Variants in TVP23A observed in about 807,000 individuals in gnomAD.
The protein encoded by TVP23A is Golgi apparatus membrane protein TVP23 homolog A.
In TVP23A, 21 loss-of-function variants were observed where a neutral mutation model predicts 31.7. The ratio of observed to expected loss-of-function variants is 0.66; its 90% CI spans 0.47 to 0.95. The LOEUF (loss-of-function observed/expected upper bound fraction) is 0.95, where lower values mean the gene tolerates loss of function less well. TVP23A is among the 40% of genes least tolerant of loss of function. The probability of loss-of-function intolerance (pLI) is 0.00; values close to 1 mark genes in which losing one functional copy is unlikely to be tolerated. For synonymous variants in TVP23A, 104 were observed against 96.0 expected, an observed-to-expected ratio of 1.08 and a Z score of -0.49; for missense variants, 279 against 255.6, an observed-to-expected ratio of 1.09 and a Z score of -0.62.
At chr16:10,792,855 A>C (rs1273736563) in intron 2 of TVP23A, among the ~76,000 whole-genome samples, 4 of 152,276 alleles carry the variant, frequency 2.6e-5, no homozygotes, top group Admixed American at 6.5e-5. Flanking sequence ...ATATCTGAGC[A>C]GAGGCTGATT....
chr16:10,778,063 G>A (rs945830052), intron 2 of TVP23A, among the ~76,000 whole-genome samples: 1 of 151,954 alleles, frequency 6.6e-6, no homozygotes, highest in Admixed American at 6.6e-5. Flanking sequence ...ACCAGGTGTG[G>A]TGGCTCACAC....
intron 2 of TVP23A, among the ~76,000 whole-genome samples, chr16:10,785,607 C>T (rs762200881): frequency 6.6e-6 from 1 of 152,234 alleles, no homozygotes; most frequent in Non-Finnish European, 1.5e-5. Flanking sequence ...GTTGAGAACA[C>T]ACTCAGGAGA....
At chr16:10,758,490 A>G (rs78753112), downstream of TVP23A, among the ~76,000 whole-genome samples, 1,368 of 152,300 alleles carry the variant, frequency 9.0e-3, 27 homozygotes, top group African/African-American at 0.03. Flanking sequence ...AAAAATAAGA[A>G]AAACTTCATC....
intron 2 of TVP23A, among the ~76,000 whole-genome samples, chr16:10,806,548 C>T (rs556929544): frequency 6.6e-6 from 1 of 152,250 alleles, no homozygotes; most frequent in East Asian, 1.9e-4. Flanking sequence ...GTCACCCAGG[C>T]TGGAGTGCAG....
chr16:10,771,030 A>G (rs997872938), intron 6 of TVP23A, among the ~76,000 whole-genome samples: 2 of 152,160 alleles, frequency 1.3e-5, no homozygotes, highest in Non-Finnish European at 2.9e-5. Flanking sequence ...AAACCAATAG[A>G]TACAGAAAGC....
At chr16:10,778,524 G>A (rs2032217443) in intron 2 of TVP23A, among the ~76,000 whole-genome samples, 2 of 152,136 alleles carry the variant, frequency 1.3e-5, no homozygotes, top group Admixed American at 1.3e-4. Flanking sequence ...CACAGACCAT[G>A]TTTAACACAT....
chr16:10,763,672 G>A (rs932940595), downstream of TVP23A: 8 of 153,076 alleles, frequency 5.2e-5, 1 homozygote, highest in African/African-American at 1.2e-4. Context: ...CAGCAGCCCA[G>A]GGCACATCCA....
At chr16:10,773,163 G>T in intron 5 of TVP23A, 150 bp downstream of exon 5, 1 of 1,096,246 alleles carries the variant, frequency 9.1e-7, no homozygotes, top group Non-Finnish European at 1.2e-6. Context: ...TACTTTAAAT[G>T]GGTAAATTGT....
rs1276535760 is a variant in TVP23A at position 10,777,645 on chromosome 16, C to T, written c.90-2549G>A. On this transcript the variant is annotated intron_variant, in intron 2 of 7. Coordinates refer to ENST00000299866, the MANE Select transcript of TVP23A (RefSeq NM_001079512.4). This position sits in a 1 kb window ranked among gnomAD's most constrained non-coding sequence, Gnocchi z 4.5. ...TTCACCAGGATGGGTCTCATCTGAG[C>T]CTCTCAGGCTCTTGGCTCTCCTGGT... 6.6e-6 allele frequency among the ~76,000 whole-genome samples: 1 copy of T among 152,230 alleles called. No individual in the cohort carries two copies. Among genetic ancestry groups the T allele is most frequent in the Non-Finnish European group, 1.5e-5 (1 of 68,042 alleles).
downstream of TVP23A, chr16:10,765,156 T>C (rs1318295808): frequency 6.5e-6 from 1 of 152,902 alleles, no homozygotes; most frequent in East Asian, 1.9e-4. This position sits in a 1 kb window ranked among gnomAD's most constrained non-coding sequence, Gnocchi z 4.0. Context: ...TGTGTCCTTA[T>C]GGCCATCACA....
intron 2 of TVP23A, among the ~76,000 whole-genome samples, chr16:10,792,226 A>T (rs1210473295): frequency 6.6e-6 from 1 of 152,048 alleles, no homozygotes; most frequent in Non-Finnish European, 1.5e-5. Flanking sequence ...CTCATTCCTT[A>T]TGTGTGTCCA....
chr16:10,784,552 C>A (rs1042760862), intron 2 of TVP23A, among the ~76,000 whole-genome samples: 2 of 147,730 alleles, frequency 1.4e-5, no homozygotes, highest in East Asian at 2.2e-4. Flanking sequence ...CAGAGCAAGA[C>A]CTTGTCTCAA....
rs2034550496 is a variant in TVP23A at position 10,818,598 on chromosome 16, T to C, written c.-105A>G. 4 of 1,425,762 alleles carry C rather than the reference T, an allele frequency of 2.8e-6. No homozygotes were observed. The highest frequency in any genetic ancestry group is 3.7e-6 in the Non-Finnish European group (4 of 1,068,946). The allele number at this position is 1,425,762 out of a possible 1,614,324, so 88.3% of individuals were successfully genotyped here. On this transcript the variant is annotated 5_prime_UTR_variant, in exon 1 of 8. Coordinates refer to ENST00000299866, the MANE Select transcript of TVP23A (RefSeq NM_001079512.4). This position sits in a 1 kb window ranked among gnomAD's most constrained non-coding sequence, Gnocchi z 4.7. ...GCGGGCGGATGTAGGCAGCAGACGG[T>C]GGACGCTGAGGGTCGGGGCCTGCGC...
chr16:10,787,898 A>C (rs1168538455), intron 2 of TVP23A, among the ~76,000 whole-genome samples: 1 of 152,166 alleles, frequency 6.6e-6, no homozygotes, highest in Non-Finnish European at 1.5e-5. Context: ...TGAGACAGTA[A>C]CATTTGCGTC....
chr16:10,758,148 G>A, downstream of TVP23A: 2 of 1,147,566 alleles, frequency 1.7e-6, no homozygotes, highest in Non-Finnish European at 2.5e-6. Flanking sequence ...TTCCGCAGCT[G>A]CATCTGATGT....
At position 10,818,430 on chromosome 16, in the gene TVP23A, C is replaced by CG. The variant is rs1195335658; in HGVS notation, c.9+54dup. ...CTCCTCCCGGCTTCTCCAGCGCTCC[C>CG]GCAGGCTCCCCTCGTCCCGCCCCGC... On this transcript the variant is annotated intron_variant, in intron 1 of 7. Coordinates refer to ENST00000299866, the MANE Select transcript of TVP23A (RefSeq NM_001079512.4). The surrounding 1 kb of genome is among the most constrained non-coding windows in gnomAD (Gnocchi z 4.7). 12 of 1,588,436 alleles carry CG rather than the reference C, an allele frequency of 7.6e-6. No homozygotes were observed. The highest frequency in any genetic ancestry group is 1.3e-5 in the African/African-American group (1 of 74,450).
Position 10,768,213 on chromosome 16 carries a change from T to C in TVP23A, c.*889A>G. On this transcript the variant is annotated 3_prime_UTR_variant, in exon 8 of 8. Coordinates refer to ENST00000299866, the MANE Select transcript of TVP23A (RefSeq NM_001079512.4). This position sits in a 1 kb window ranked among gnomAD's most constrained non-coding sequence, Gnocchi z 4.3. ...TCAATGTGTGAGTATTGTGAATTAA[T>C]TCATAGTTTAAAAAACATGGTGAGG... is the stretch of plus-strand genomic sequence containing the variant. The C allele has an allele frequency of 2.0e-6, 1 of 498,068 alleles. No homozygotes were observed. Among genetic ancestry groups the C allele is most frequent in the Non-Finnish European group, 3.5e-6 (1 of 282,482 alleles). The allele number at this position is 498,068 out of a possible 1,614,324, so 30.9% of individuals were successfully genotyped here. A position where few individuals can be genotyped will look rare whatever the true frequency, so the allele number is the denominator to read the frequency against.
intron 2 of TVP23A, among the ~76,000 whole-genome samples, chr16:10,789,880 C>T (rs969050050): frequency 1.3e-5 from 2 of 149,958 alleles, no homozygotes; most frequent in African/African-American, 4.9e-5. Flanking sequence ...TTCAGAAAGG[C>T]GGGACAACTC....
chr16:10,782,805 G>A (rs1038334303), intron 2 of TVP23A, among the ~76,000 whole-genome samples: 2 of 152,076 alleles, frequency 1.3e-5, no homozygotes, highest in African/African-American at 2.4e-5. Flanking sequence ...CGCCCAGCCT[G>A]TAAATCAAGT....
Sources: allele counts gnomAD v4.1 joint callset (sites outside exome capture counted in the v4.1 genomes callset), GRCh38; gene constraint gnomAD v4.1.1; non-coding constraint Gnocchi (gnomAD v3.1); transcripts MANE v1.5; gene names NCBI Gene and HGNC (gene_info 2026-07-23, HGNC 2026-07-21).